BRF1: variants seen among roughly 807,000 people sequenced by gnomAD.
The protein encoded by BRF1 is BRF1 general transcription factor IIIB subunit.
A neutral mutation model predicts 81.7 loss-of-function variants in BRF1; 59 were observed. That is an observed-to-expected ratio of 0.72 (90% CI 0.59 to 0.90). The LOEUF is 0.90. Ranked by LOEUF, BRF1 falls within the 40% of genes least tolerant of loss-of-function variation. The probability of loss-of-function intolerance (pLI) is 0.00; values close to 1 mark genes in which losing one functional copy is unlikely to be tolerated. For missense variants in BRF1, 1,050 were observed against 936.3 expected (o/e 1.12, Z -1.58); for synonymous variants, 491 against 395.6 (o/e 1.24, Z -2.86).
At chr14:105,224,292 C>T (rs1892752166) in intron 10 of BRF1, among the ~76,000 whole-genome samples, 1 of 152,216 alleles carries the variant, frequency 6.6e-6, no homozygotes, top group Non-Finnish European at 1.5e-5. Flanking sequence ...TTGCTTCAAA[C>T]TACAGGGTAG....
At chr14:105,246,445 G>A (rs1428852594) in intron 5 of BRF1, among the ~76,000 whole-genome samples, 2 of 151,934 alleles carry the variant, frequency 1.3e-5, no homozygotes, top group Admixed American at 1.3e-4. Context: ...GGGAGGCCTA[G>A]GCAGGTAGAT....
intron 5 of BRF1, chr14:105,250,817 T>C (rs1420629523): frequency 1.9e-5 from 17 of 876,666 alleles, no homozygotes; most frequent in Non-Finnish European, 2.8e-5. Flanking sequence ...GTAGAGACAT[T>C]TTCCACACAG....
rs770410697 is a variant in BRF1 at position 105,228,843 on chromosome 14, C to T, written c.765G>A (p.Val255=). 4 of 1,613,952 alleles carry T rather than the reference C, an allele frequency of 2.5e-6. No homozygotes were observed. Among genetic ancestry groups the T allele is most frequent in the South Asian group, 1.1e-5 (1 of 91,090 alleles). The change falls in exon 7 of 18, where the codon GTG becomes GTA. Residue 255 remains valine (V), a synonymous_variant. Transcript: ENST00000547530. ...TVKEVISVVK[V]CESTLRKRLT... is the part of the protein sequence containing the mutation. ...ACCTCTTCCGCAGCGTGGACTCACACACTTTGACCACACTGATGACCTCCT... is the reference window on the plus strand; with the variant it reads ...ACCTCTTCCGCAGCGTGGACTCACATACTTTGACCACACTGATGACCTCCT...
At chr14:105,241,541 C>A in intron 5 of BRF1, 127 bp from the exon 6 acceptor site, 1 of 1,252,366 alleles carries the variant, frequency 8.0e-7, no homozygotes, top group Middle Eastern at 2.6e-4. Flanking sequence ...CCCACCAGTT[C>A]CCCTCCCCTG....
intron 4 of BRF1, chr14:105,256,097 C>G (rs1451335337): frequency 2.6e-6 from 3 of 1,161,584 alleles, no homozygotes; most frequent in African/African-American, 1.6e-5. Flanking sequence ...TGCACTCCAG[C>G]CTGGGTGACA....
chr14:105,302,377 AT>A (rs1324025181), upstream of BRF1, among the ~76,000 whole-genome samples: 2 of 148,652 alleles, frequency 1.3e-5, no homozygotes, highest in Admixed American at 6.7e-5. Flanking sequence ...CTAATTTTGT[AT>A]TTTTAGTAGA....
chr14:105,228,998 C>G (rs1043572062), intron 6 of BRF1, 85 bp from the exon 7 acceptor site: 2 of 1,248,998 alleles, frequency 1.6e-6, no homozygotes, highest in Non-Finnish European at 2.3e-6. Flanking sequence ...ACTGCGGATC[C>G]CGGTCACGGA....
chr14:105,263,234 C>CAAAAAAAAAA (rs760613469), intron 3 of BRF1, among the ~76,000 whole-genome samples: 7 of 83,542 alleles, frequency 8.4e-5, no homozygotes, highest in African/African-American at 1.0e-4. Context: ...AAGACTCCAT[C>CAAAAAAAAAA]AAAAAAAAAA....
chr14:105,297,268 T>A (rs937405224), intron 1 of BRF1, among the ~76,000 whole-genome samples: 2 of 151,962 alleles, frequency 1.3e-5, no homozygotes, highest in African/African-American at 4.8e-5. Context: ...ACTACAAGAT[T>A]CAACATAGAA....
chr14:105,229,825 C>T (rs56282746), intron 6 of BRF1, among the ~76,000 whole-genome samples: 1 of 1,074 alleles, frequency 9.3e-4, no homozygotes, highest in African/African-American at 4.7e-3. Context: ...CACCACTGTC[C>T]GCGTAGTCGC....
intron 1 of BRF1, chr14:105,314,934 C>A: frequency 1.8e-6 from 2 of 1,113,504 alleles, no homozygotes; most frequent in Non-Finnish European, 1.1e-6. Context: ...CGAGCGAGGC[C>A]GCCTCGGCCT....
chr14:105,269,692 C>G lies in BRF1; in HGVS notation c.439+3029G>C, dbSNP rs995289770. 6.6e-6 allele frequency among the ~76,000 whole-genome samples: 1 copy of G among 152,156 alleles called. No homozygotes were observed. The highest frequency in any genetic ancestry group is 2.4e-5 in the African/African-American group (1 of 41,430). On this transcript the variant is annotated intron_variant, in intron 3 of 17. Transcript: ENST00000547530. This position sits in a 1 kb window ranked among gnomAD's most constrained non-coding sequence, Gnocchi z 5.0. ...CTCAGAGGCAGCCCCGGCAGTGCCA[C>G]AGGACTGCTCTCCGTCCTGCCTGTC...
At chr14:105,296,986 T>C (rs956851403) in intron 1 of BRF1, among the ~76,000 whole-genome samples, 64 of 148,242 alleles carry the variant, frequency 4.3e-4, no homozygotes, top group Non-Finnish European at 7.4e-4. Context: ...GGTGAAACCC[T>C]GTCTCTACTA....
At chr14:105,255,909 T>C (rs1300681977) in intron 4 of BRF1, among the ~76,000 whole-genome samples, 1 of 152,124 alleles carries the variant, frequency 6.6e-6, no homozygotes. Context: ...GGAGGGTTGC[T>C]TGAGCTCAGG....
intron 7 of BRF1, 46 bp from the exon 8 acceptor site, chr14:105,226,806 C>A (rs369987277): frequency 6.2e-7 from 1 of 1,611,700 alleles, no homozygotes; most frequent in Non-Finnish European, 8.5e-7. Flanking sequence ...GGCTCTGAAA[C>A]CAGCTGTTTA....
In BRF1 at chr14:105,221,784, C is replaced by T. The variant is rs752510968; in HGVS notation, c.1179G>A (p.Ser393=). The T allele has an allele frequency of 1.1e-5, 18 of 1,611,718 alleles. No individual in the cohort carries two copies. Among genetic ancestry groups the T allele is most frequent in the South Asian group, 6.6e-5 (6 of 90,996 alleles). Residue 393 remains serine (S), a synonymous_variant, in exon 11 of 18, where the codon TCG becomes TCA. Coordinates refer to ENST00000547530, the MANE Select transcript of BRF1 (RefSeq NM_001519.4). ...RELLGGAPGS[S]EAAGSPEWGG... is the part of the protein sequence containing the mutation. The stretch of plus-strand genomic sequence containing the variant: ...CCCACTCGGGGCTTCCTGCTGCTTC[C>T]GAGCTGCCGGGGGCACCACCAAGGA...
chr14:105,281,403 A>G (rs1305096552), intron 2 of BRF1, among the ~76,000 whole-genome samples: 1 of 130,202 alleles, frequency 7.7e-6, no homozygotes, highest in Non-Finnish European at 1.6e-5. Context: ...AGGCTGCGTG[A>G]TCCTGAGCCC....
chr14:105,301,683 A>G (rs776099312), upstream of BRF1, among the ~76,000 whole-genome samples: 14 of 152,042 alleles, frequency 9.2e-5, no homozygotes, highest in Non-Finnish European at 1.6e-4. Flanking sequence ...TAAAATTCCC[A>G]CTTTCTAGCA....
At chr14:105,241,990 C>G (rs1444811188) in intron 5 of BRF1, 3 of 157,660 alleles carry the variant, frequency 1.9e-5, no homozygotes, top group Admixed American at 1.2e-4. Context: ...GGGCGCTGCA[C>G]AGCCTGGGCC....
Sources: gnomAD v4.1 joint callset for allele counts (sites outside exome capture counted in the v4.1 genomes callset) on GRCh38, gnomAD v4.1.1 for gene constraint, Gnocchi (gnomAD v3.1) non-coding constraint, MANE v1.5 for transcripts, NCBI Gene and HGNC (gene_info 2026-07-23, HGNC 2026-07-21) for gene names.